NCKAP5: variants seen among roughly 807,000 people sequenced by gnomAD.
NCKAP5 encodes the protein NCK associated protein 5, also known as nck-associated protein 5.
NCKAP5 carries 92 observed loss-of-function variants against 167.0 expected under a neutral mutation model. The observed-to-expected ratio is 0.55, with a 90% confidence interval of 0.47 to 0.66. The LOEUF is 0.66. Ranked by LOEUF, NCKAP5 falls within the 30% of genes least tolerant of loss-of-function variation. The pLI is 0.00. For synonymous variants in NCKAP5, 891 were observed against 877.4 expected (o/e 1.02, Z -0.27); for missense variants, 2,378 against 2,315.0 (o/e 1.03, Z -0.56).
intron 3 of NCKAP5, among the ~76,000 whole-genome samples, chr2:133,403,511 A>G (rs2151029059): frequency 6.6e-6 from 1 of 152,298 alleles, no homozygotes; most frequent in Non-Finnish European, 1.5e-5. Context: ...TGTTTAACAC[A>G]AGACTCATGG....
At chr2:132,942,099 T>C (rs1453474095) in intron 8 of NCKAP5, among the ~76,000 whole-genome samples, 1 of 152,240 alleles carries the variant, frequency 6.6e-6, no homozygotes, top group South Asian at 2.1e-4. Context: ...AATCTGAATA[T>C]GTATGATGCT....
chr2:132,831,106 T>G (rs1471745251), intron 11 of NCKAP5, among the ~76,000 whole-genome samples: 2 of 152,230 alleles, frequency 1.3e-5, no homozygotes, highest in Non-Finnish European at 2.9e-5. Flanking sequence ...TTGGGATTCT[T>G]TCTGTCAGTA....
At chr2:133,461,411 A>G (rs1574994281) in intron 3 of NCKAP5, among the ~76,000 whole-genome samples, 1 of 152,144 alleles carries the variant, frequency 6.6e-6, no homozygotes, top group East Asian at 1.9e-4. Context: ...TCTAACAGCT[A>G]CGCATTAGGG....
rs1687379020 is a variant in NCKAP5 at position 132,829,626 on chromosome 2, G to A, written c.807+30866C>T. Reference sequence around the variant, plus strand: ...CAGAAATAAATGCTTCCCGACCCCTGATCTGGAATAGGGGTTCTCAAGCTG... The same window carrying A: ...CAGAAATAAATGCTTCCCGACCCCTAATCTGGAATAGGGGTTCTCAAGCTG... On this transcript the variant is annotated intron_variant, in intron 11 of 19. Transcript: ENST00000409261. 2.0e-5 allele frequency among the ~76,000 whole-genome samples: 3 copies of A among 152,056 alleles called. No homozygotes were observed. In the South Asian group the frequency reaches 6.2e-4, roughly 32 times the overall value.
the NCKAP5 span, among the ~76,000 whole-genome samples, chr2:133,648,884 GAAGT>G: frequency 6.8e-6 from 1 of 147,958 alleles, no homozygotes; most frequent in African/African-American, 2.5e-5. Flanking sequence ...CAGAAGGAAG[GAAGT>G]AACAAAGATG....
chr2:132,729,342 CA>C (rs1176061451), intron 17 of NCKAP5, among the ~76,000 whole-genome samples: 1 of 152,172 alleles, frequency 6.6e-6, no homozygotes, highest in Non-Finnish European at 1.5e-5. Flanking sequence ...TTCAGTGTGC[CA>C]ATGGGCATTA....
intron 3 of NCKAP5, among the ~76,000 whole-genome samples, chr2:133,315,884 G>T (rs1200252596): frequency 6.6e-6 from 1 of 152,128 alleles, no homozygotes; most frequent in Non-Finnish European, 1.5e-5. Context: ...TATGCCAAGG[G>T]TAGGGAGAAC....
chr2:133,514,417 C>T (rs1683806786), intron 3 of NCKAP5, among the ~76,000 whole-genome samples: 1 of 152,134 alleles, frequency 6.6e-6, no homozygotes, highest in African/African-American at 2.4e-5. Context: ...CTTGTTTTCC[C>T]CAATTGGAGC....
In NCKAP5 at chr2:133,447,508, CCCCTTCCTTT is replaced by C. The variant is rs573957113; in HGVS notation, c.69+69940_69+69949del. Among the ~76,000 whole-genome samples, 61 of 142,300 alleles carry C rather than the reference CCCCTTCCTTT, an allele frequency of 4.3e-4. 1 individual carries two copies. The South Asian group carries it at 5.7e-3, about 13-fold the overall frequency. 93.4% of individuals were successfully genotyped at this position (142,300 alleles called of 152,430 possible). ...CTTTCCCCTTCTCTTCCCTTCCTTT[CCCCTTCCTTT>C]CCCTTCCTTTCCCTTCCTTTCCCCC... On this transcript the variant is annotated intron_variant, in intron 3 of 19. Transcript: ENST00000409261.
chr2:133,386,306 C>T (rs944683541), intron 3 of NCKAP5, among the ~76,000 whole-genome samples: 1 of 152,168 alleles, frequency 6.6e-6, no homozygotes, highest in Non-Finnish European at 1.5e-5. Context: ...TCATTACGTA[C>T]CCAGTAATTA....
intron 3 of NCKAP5, among the ~76,000 whole-genome samples, chr2:133,455,689 G>C (rs1405442553): frequency 6.6e-6 from 1 of 152,018 alleles, no homozygotes; most frequent in Admixed American, 6.6e-5. Context: ...AAAAATAGAA[G>C]ACAATATGAA....
intron 8 of NCKAP5, chr2:132,915,597 G>T (rs1272282763): frequency 2.6e-5 from 4 of 152,148 alleles, no homozygotes; most frequent in African/African-American, 9.6e-5. Flanking sequence ...TCCTGTGGGG[G>T]TGCCCCGAGT....
intron 6 of NCKAP5, among the ~76,000 whole-genome samples, chr2:133,053,781 T>C (rs534836696): frequency 6.6e-6 from 1 of 152,344 alleles, no homozygotes; most frequent in South Asian, 2.1e-4. Flanking sequence ...GAAACACTTC[T>C]TTGCTGTGCT....
intron 11 of NCKAP5, among the ~76,000 whole-genome samples, chr2:132,825,091 C>A (rs2105338073): frequency 6.6e-6 from 1 of 152,296 alleles, no homozygotes; most frequent in Non-Finnish European, 1.5e-5. Context: ...CAACATAGAT[C>A]TCAGTGGGAC....
the NCKAP5 span, among the ~76,000 whole-genome samples, chr2:133,589,306 T>G: frequency 6.6e-6 from 1 of 152,046 alleles, no homozygotes; most frequent in African/African-American, 2.4e-5. Context: ...GTGGAAGAAA[T>G]TAAAAAGGCA....
intron 8 of NCKAP5, among the ~76,000 whole-genome samples, 158 bp from the exon 9 acceptor site, chr2:132,879,074 G>T (rs1042026573): frequency 3.3e-5 from 5 of 152,032 alleles, no homozygotes; most frequent in Non-Finnish European, 5.9e-5. Context: ...TATAAATATC[G>T]CAGGGATGAC....
At chr2:132,838,048 G>A (rs1238007376) in intron 11 of NCKAP5, among the ~76,000 whole-genome samples, 1 of 152,182 alleles carries the variant, frequency 6.6e-6, no homozygotes, top group African/African-American at 2.4e-5. Context: ...AGCTGTACTG[G>A]CATCTCTGAG....
intron 3 of NCKAP5, among the ~76,000 whole-genome samples, chr2:133,367,997 C>A (rs533435197): frequency 1.3e-5 from 2 of 152,092 alleles, no homozygotes; most frequent in African/African-American, 4.8e-5. Context: ...AGATGCCCCC[C>A]AGAACTGAAG....
chr2:132,728,073 A>T (rs1690639015), intron 18 of NCKAP5, among the ~76,000 whole-genome samples: 1 of 152,182 alleles, frequency 6.6e-6, no homozygotes, highest in South Asian at 2.1e-4. Context: ...AAAATGAACC[A>T]TGTGTCTTCC....
Sources: allele counts gnomAD v4.1 joint callset (sites outside exome capture counted in the v4.1 genomes callset), GRCh38; gene constraint gnomAD v4.1.1; transcripts MANE v1.5; gene names NCBI Gene and HGNC (gene_info 2026-07-23, HGNC 2026-07-21).